The following SMAP2 variants were observed in gnomAD, a reference collection of about 807,000 sequenced individuals.
The protein encoded by SMAP2 is stromal membrane-associated protein 2.
SMAP2 carries 25 observed loss-of-function variants against 56.4 expected under a neutral mutation model. The ratio of observed to expected loss-of-function variants is 0.44; its 90% CI spans 0.32 to 0.62. The LOEUF (loss-of-function observed/expected upper bound fraction) is 0.62, where lower values mean the gene tolerates loss of function less well. SMAP2 is among the 20% of genes least tolerant of loss of function. The pLI is 0.04. For missense variants in SMAP2, 388 were observed against 545.6 expected (o/e 0.71, Z 2.88); for synonymous variants, 157 against 181.7 (o/e 0.86, Z 1.09).
intron 1 of SMAP2, among the ~76,000 whole-genome samples, chr1:40,379,009 C>A (rs559959377): frequency 6.9e-6 from 1 of 145,608 alleles, no homozygotes; most frequent in Non-Finnish European, 1.5e-5. Context: ...GACAGAGTTT[C>A]GCTCTTGTTG....
At chr1:40,370,803 A>G (rs1299701516), upstream of SMAP2, among the ~76,000 whole-genome samples, 4 of 145,062 alleles carry the variant, frequency 2.8e-5, no homozygotes, top group African/African-American at 7.7e-5. Flanking sequence ...ACATGTATAC[A>G]TATGTAACTA....
chr1:40,415,816 A>G (rs1644981361), intron 7 of SMAP2, among the ~76,000 whole-genome samples: 1 of 152,182 alleles, frequency 6.6e-6, no homozygotes, highest in Non-Finnish European at 1.5e-5. Context: ...CAAACCTGCA[A>G]AGTGGAAATT....
At chr1:40,379,010 G>A (rs1226537988) in intron 1 of SMAP2, among the ~76,000 whole-genome samples, 3 of 143,992 alleles carry the variant, frequency 2.1e-5, no homozygotes, top group African/African-American at 5.2e-5. Flanking sequence ...ACAGAGTTTC[G>A]CTCTTGTTGC....
chr1:40,412,273 T>C (rs1644943504), intron 4 of SMAP2, among the ~76,000 whole-genome samples: 1 of 152,206 alleles, frequency 6.6e-6, no homozygotes, highest in African/African-American at 2.4e-5. Flanking sequence ...CAATATACTT[T>C]CCAGAATTTG....
chr1:40,392,649 T>C (rs1306718126), intron 1 of SMAP2, among the ~76,000 whole-genome samples: 2 of 152,178 alleles, frequency 1.3e-5, no homozygotes, highest in Non-Finnish European at 2.9e-5. Flanking sequence ...GGAGCTGAAA[T>C]ATCATAGGCT....
At position 40,416,157 on chromosome 1, in the gene SMAP2, C is replaced by T; in HGVS notation, c.682-19C>T. On this transcript the variant is annotated intron_variant, in intron 7 of 9. Coordinates refer to ENST00000372718, the MANE Select transcript of SMAP2 (RefSeq NM_022733.3). ...CATGAGAACCATTTCAATTCTCCCC[C>T]CGCCCTCTTTGCCCTAAGGTTGTAG... 1 of 1,609,830 alleles carries T rather than the reference C, an allele frequency of 6.2e-7. No individual in the cohort carries two copies. The highest frequency in any genetic ancestry group is 8.5e-7 in the Non-Finnish European group (1 of 1,177,944).
intron 1 of SMAP2, among the ~76,000 whole-genome samples, chr1:40,358,467 C>A (rs1219582425): frequency 6.6e-6 from 1 of 152,046 alleles, no homozygotes; most frequent in Non-Finnish European, 1.5e-5. Context: ...TTGCTTGAAC[C>A]CAGGGGGCGG....
At chr1:40,404,465 A>G (rs534141171) in intron 1 of SMAP2, among the ~76,000 whole-genome samples, 12 of 152,188 alleles carry the variant, frequency 7.9e-5, no homozygotes, top group Non-Finnish European at 1.5e-4. Context: ...CTCAGAAGCA[A>G]AAAGACTTTA....
Position 40,347,146 on chromosome 1 carries a change from C to T in SMAP2, c.-83+2236C>T, listed in dbSNP as rs1331560210. On this transcript the variant is annotated intron_variant, in intron 1 of 6. Transcript: ENST00000435168. ...GCAGCCTCTGCCTCCTAGGTTCAAG[C>T]GATTCTTCAGCCTCAGCCTCCTGAG... is the stretch of plus-strand genomic sequence containing the variant. Among the ~76,000 whole-genome samples the T allele has an allele frequency of 2.0e-5, 3 of 151,544 alleles. No individual in the cohort carries two copies. In the South Asian group the frequency reaches 6.2e-4, roughly 31 times the overall value.
chr1:40,414,672 T>G (rs942336387), intron 6 of SMAP2, among the ~76,000 whole-genome samples: 1 of 152,186 alleles, frequency 6.6e-6, no homozygotes, highest in East Asian at 1.9e-4. Flanking sequence ...TGTTAGCAGT[T>G]TTGCTAAACA....
rs573901957 is a variant in SMAP2 at position 40,355,683 on chromosome 1, A to T, written c.-82-6617A>T. Reference sequence around the variant, plus strand: ...GTTGCCCAGGCTGGAGTGCAGTGGCACCGGTCAGGGCTCACTTCAGCCTTG... The same window carrying T: ...GTTGCCCAGGCTGGAGTGCAGTGGCTCCGGTCAGGGCTCACTTCAGCCTTG... On this transcript the variant is annotated intron_variant, in intron 1 of 6. Transcript: ENST00000435168. Among the ~76,000 whole-genome samples, 70 of 152,150 alleles carry T rather than the reference A, an allele frequency of 4.6e-4. No individual in the cohort carries two copies. The South Asian group carries it at 0.015, about 32-fold the overall frequency.
chr1:40,388,135 C>A (rs1252285075), intron 1 of SMAP2, among the ~76,000 whole-genome samples: 1 of 152,182 alleles, frequency 6.6e-6, no homozygotes, highest in East Asian at 1.9e-4. Flanking sequence ...GAGCCTCCCC[C>A]CACCTCTGTG....
intron 7 of SMAP2, among the ~76,000 whole-genome samples, chr1:40,415,974 T>G (rs1644982670): frequency 1.3e-5 from 2 of 152,302 alleles, no homozygotes; most frequent in South Asian, 4.1e-4. Context: ...AAATCACATG[T>G]TTTGGTGAAA....
rs1384549243 is a variant in SMAP2 at position 40,406,808 on chromosome 1, G to A, written c.176G>A (p.Gly59Glu). The A allele has an allele frequency of 6.2e-7, 1 of 1,614,124 alleles. No individual in the cohort carries two copies. The change falls in exon 2 of 10, where the codon GGG becomes GAG. Residue 59 changes from glycine (G) to glutamate (E), a missense_variant. Transcript: ENST00000372718. The stretch of plus-strand genomic sequence containing the variant: ...TGTGCTGGAATCCACAGGAATCTGG[G>A]GGTGCACATATCCAGGGTAAAGTCA... ...IRCAGIHRNL[G>E]VHISRVKSVN... is the part of the protein sequence containing the mutation.
At chr1:40,389,198 C>G (rs751873060) in intron 1 of SMAP2, among the ~76,000 whole-genome samples, 83 of 152,332 alleles carry the variant, frequency 5.4e-4, no homozygotes, top group Non-Finnish European at 8.4e-4. Context: ...GCGCCATTGA[C>G]TAGCATCTTA....
intron 1 of SMAP2, among the ~76,000 whole-genome samples, chr1:40,387,112 C>T (rs866449933): frequency 2.0e-5 from 3 of 152,072 alleles, no homozygotes; most frequent in Admixed American, 2.0e-4. Context: ...CTCGGCCTGC[C>T]GGAGTGCCAG....
intron 1 of SMAP2, among the ~76,000 whole-genome samples, chr1:40,382,556 C>G (rs548646677): frequency 6.6e-6 from 1 of 152,266 alleles, no homozygotes; most frequent in East Asian, 1.9e-4. Context: ...GCCAGTTTAA[C>G]TAGATACTAG....
chr1:40,421,561 A>T (rs209612), intron 9 of SMAP2, among the ~76,000 whole-genome samples: 12 of 152,136 alleles, frequency 7.9e-5, no homozygotes, highest in African/African-American at 2.9e-4. Flanking sequence ...CCTGACACTG[A>T]CAGTAATAGC....
intron 1 of SMAP2, among the ~76,000 whole-genome samples, chr1:40,405,735 C>T (rs1644879318): frequency 1.3e-5 from 2 of 152,036 alleles, no homozygotes; most frequent in Non-Finnish European, 1.5e-5. Context: ...AAGTTTTTGG[C>T]AGGTTTCATA....
Sources: gnomAD v4.1 joint callset for allele counts (sites outside exome capture counted in the v4.1 genomes callset) on GRCh38, gnomAD v4.1.1 for gene constraint, MANE v1.5 for transcripts, NCBI Gene and HGNC (gene_info 2026-07-23, HGNC 2026-07-21) for gene names.